CFAP263: variants seen among roughly 807,000 people sequenced by gnomAD.
CFAP263 encodes the protein cilia- and flagella-associated protein 263.
the CFAP263 span, chr16:58,267,436 G>A: frequency 7.4e-7 from 1 of 1,344,622 alleles, no homozygotes; most frequent in South Asian, 1.2e-5. Flanking sequence ...GCGGTTCTGA[G>A]AGGTCATCTT....
the CFAP263 span, among the ~76,000 whole-genome samples, chr16:58,274,354 C>T: frequency 6.6e-6 from 1 of 152,256 alleles, no homozygotes; most frequent in African/African-American, 2.4e-5. Flanking sequence ...AGTTCTTAGG[C>T]ATGAGCTCCC....
chr16:58,251,826 A>T, the CFAP263 span, among the ~76,000 whole-genome samples: 1 of 152,256 alleles, frequency 6.6e-6, no homozygotes, highest in Non-Finnish European at 1.5e-5. Context: ...ATACATATAC[A>T]TACATATGTG....
chr16:58,274,992 T>C, the CFAP263 span, among the ~76,000 whole-genome samples: 1 of 152,178 alleles, frequency 6.6e-6, no homozygotes, highest in East Asian at 1.9e-4. Flanking sequence ...TCATTATACT[T>C]ATCTTAGGTA....
chr16:58,283,808 T>A, the CFAP263 span: 4 of 152,204 alleles, frequency 2.6e-5, no homozygotes, highest in African/African-American at 9.6e-5. Flanking sequence ...GTCCTTCATG[T>A]TTTGCAATAA....
the CFAP263 span, chr16:58,281,038 C>A: frequency 2.5e-6 from 1 of 397,040 alleles, no homozygotes; most frequent in Non-Finnish European, 4.5e-6. Context: ...GTCCTTTGGC[C>A]AAACCTTCCC....
chr16:58,272,770 C>CT, the CFAP263 span, among the ~76,000 whole-genome samples: 1,441 of 137,574 alleles, frequency 0.01, 11 homozygotes, highest in Middle Eastern at 0.015. Flanking sequence ...ATCTTAATGG[C>CT]TTTTTTTTTT....
chr16:58,254,371 T>C, the CFAP263 span, among the ~76,000 whole-genome samples: 2 of 152,166 alleles, frequency 1.3e-5, no homozygotes, highest in African/African-American at 2.4e-5. Flanking sequence ...ATTTCAAAAA[T>C]ACACGAATGT....
At chr16:58,250,300 G>A in the CFAP263 span, 1 of 526,418 alleles carries the variant, frequency 1.9e-6, no homozygotes, top group African/African-American at 2.0e-5. Context: ...CTAGAACGGG[G>A]TGGTAGGGCG....
the CFAP263 span, among the ~76,000 whole-genome samples, chr16:58,251,506 C>T: frequency 1.3e-5 from 2 of 152,198 alleles, no homozygotes; most frequent in Non-Finnish European, 2.9e-5. Flanking sequence ...ATTCTCCTGC[C>T]TCAGACCCCT....
the CFAP263 span, among the ~76,000 whole-genome samples, chr16:58,264,533 A>G: frequency 2.0e-5 from 3 of 152,168 alleles, no homozygotes; most frequent in Admixed American, 1.3e-4. Flanking sequence ...CTGTGCTTGA[A>G]TGGGGGCTCT....
At chr16:58,258,093 G>GC in the CFAP263 span, among the ~76,000 whole-genome samples, 48 of 143,558 alleles carry the variant, frequency 3.3e-4, no homozygotes, top group African/African-American at 1.2e-3. Flanking sequence ...GGGCAATAGA[G>GC]CGAGACTCTG....
At chr16:58,278,314 G>GA in the CFAP263 span, among the ~76,000 whole-genome samples, 3 of 152,098 alleles carry the variant, frequency 2.0e-5, no homozygotes, top group African/African-American at 7.2e-5. Flanking sequence ...ATATGTTTGG[G>GA]AAAAAAATCA....
the CFAP263 span, among the ~76,000 whole-genome samples, chr16:58,276,624 T>C: frequency 6.6e-6 from 1 of 152,268 alleles, no homozygotes; most frequent in Non-Finnish European, 1.5e-5. Flanking sequence ...TGAGAACCAC[T>C]GCCTGGAACA....
chr16:58,253,249 T>C, the CFAP263 span, among the ~76,000 whole-genome samples: 2 of 152,112 alleles, frequency 1.3e-5, no homozygotes, highest in South Asian at 2.1e-4. Flanking sequence ...GATGTGGTGA[T>C]ATGCACCTGT....
chr16:58,281,330 A>T, the CFAP263 span: 1 of 157,326 alleles, frequency 6.4e-6, no homozygotes, highest in Non-Finnish European at 1.4e-5. Flanking sequence ...CTGGCAAGTG[A>T]CCAAATCCTC....
the CFAP263 span, among the ~76,000 whole-genome samples, chr16:58,257,731 G>T: frequency 6.7e-6 from 1 of 150,182 alleles, no homozygotes; most frequent in Non-Finnish European, 1.5e-5. Flanking sequence ...CTCTCTAGAT[G>T]TAACTGTCAT....
the CFAP263 span, among the ~76,000 whole-genome samples, chr16:58,266,793 A>G: frequency 0.58 from 88,397 of 151,668 alleles, 26,799 homozygotes; most frequent in African/African-American, 0.74. Flanking sequence ...TGCAGAAGCC[A>G]GTGAAGGGCA....
At chr16:58,282,484 G>T in the CFAP263 span, 8 of 152,382 alleles carry the variant, frequency 5.2e-5, no homozygotes, top group Admixed American at 2.0e-4. Context: ...AGCCACACCA[G>T]AACAGAGATG....
chr16:58,278,781 C>G, the CFAP263 span: 1 of 726,702 alleles, frequency 1.4e-6, no homozygotes. Flanking sequence ...ACTATTAAAC[C>G]AAGACGAAGG....
Sources: gnomAD v4.1 joint callset for allele counts (sites outside exome capture counted in the v4.1 genomes callset) on GRCh38, gnomAD v4.1.1 for gene constraint, MANE v1.5 for transcripts, NCBI Gene and HGNC (gene_info 2026-07-23, HGNC 2026-07-21) for gene names.